C1orf94: variants seen among roughly 807,000 people sequenced by gnomAD.
C1orf94 encodes uncharacterized protein C1orf94.
Under a neutral mutation model 53.6 loss-of-function variants are expected in C1orf94, and 45 were observed. The ratio of observed to expected loss-of-function variants is 0.84; its 90% CI spans 0.66 to 1.08. C1orf94 has a LOEUF of 1.08. C1orf94 is among the 50% of genes least tolerant of loss of function. C1orf94 has a pLI of 0.00. For missense variants in C1orf94, 762 were observed against 738.9 expected (o/e 1.03, Z -0.36); for synonymous variants, 304 against 296.1 (o/e 1.03, Z -0.27).
chr1:34,188,317 T>C (rs933183715), intron 1 of C1orf94, among the ~76,000 whole-genome samples: 1 of 152,116 alleles, frequency 6.6e-6, no homozygotes, highest in Non-Finnish European at 1.5e-5. Flanking sequence ...AGGAAGGAGA[T>C]TGACCTTTAT....
chr1:34,202,015 A>T, intron 3 of C1orf94, 69 bp from the exon 4 acceptor site: 1 of 1,525,172 alleles, frequency 6.6e-7, no homozygotes, highest in Non-Finnish European at 9.0e-7. Flanking sequence ...GGAAGTTGCG[A>T]TGCTGAAGGT....
chr1:34,215,804 G>A (rs1050108440), intron 6 of C1orf94, among the ~76,000 whole-genome samples: 2 of 152,054 alleles, frequency 1.3e-5, no homozygotes, highest in East Asian at 1.9e-4. Context: ...TCAGGAGTTC[G>A]AGACCAGCCT....
At position 34,177,858 on chromosome 1, in the gene C1orf94, G is replaced by A; in HGVS notation, c.69G>A (p.Arg23=). The part of the protein sequence containing the change: ...GQRGFQKERR[R]MASGNGLPSS... ...GGGGCTTCCAGAAAGAGAGGAGGAG[G>A]ATGGCCAGCGGGAATGGGCTTCCTT... Residue 23 remains arginine (R), a synonymous_variant, in exon 1 of 7, where the codon AGG becomes AGA. Coordinates refer to ENST00000488417, the MANE Select transcript of C1orf94 (RefSeq NM_001134734.2). 1 of 1,551,200 alleles carries A rather than the reference G, an allele frequency of 6.4e-7. No homozygotes were observed. The highest frequency in any genetic ancestry group is 8.7e-7 in the Non-Finnish European group (1 of 1,146,638).
intron 4 of C1orf94, among the ~76,000 whole-genome samples, chr1:34,207,728 G>C (rs528558808): frequency 1.1e-4 from 17 of 152,304 alleles, no homozygotes; most frequent in African/African-American, 3.8e-4. Context: ...GGCAGGTATG[G>C]GATTAGGGGA....
At position 34,197,333 on chromosome 1, in the gene C1orf94, G is replaced by A; in HGVS notation, c.429G>A (p.Glu143=). Reference sequence around the variant, plus strand: ...TCCTGGTCGAAGAGAGTTCTGGGGAGCTGGAGGTACCCGGCAGCTCTCCCG... The same window carrying A: ...TCCTGGTCGAAGAGAGTTCTGGGGAACTGGAGGTACCCGGCAGCTCTCCCG... ...HSILVEESSG[E]LEVPGSSPEG... Residue 143 remains glutamate, a synonymous_variant, in exon 2 of 7, where the codon GAG becomes GAA. Coordinates refer to ENST00000488417, the MANE Select transcript of C1orf94 (RefSeq NM_001134734.2). The surrounding 1 kb of genome is among the most constrained non-coding windows in gnomAD (Gnocchi z 4.1). The A allele has an allele frequency of 6.3e-7, 1 of 1,583,200 alleles. No homozygotes were observed. Among genetic ancestry groups the A allele is most frequent in the Non-Finnish European group, 8.6e-7 (1 of 1,164,190 alleles).
chr1:34,204,964 C>A (rs1174443151), intron 4 of C1orf94, among the ~76,000 whole-genome samples: 1 of 152,176 alleles, frequency 6.6e-6, no homozygotes, highest in Non-Finnish European at 1.5e-5. Flanking sequence ...AAAGGGGAAA[C>A]AACTGCATAA....
chr1:34,202,112 G>A lies in C1orf94; in HGVS notation c.1299G>A (p.Lys433=). The A allele has an allele frequency of 6.2e-7, 1 of 1,614,094 alleles. No individual in the cohort carries two copies. The highest frequency in any genetic ancestry group is 8.5e-7 in the Non-Finnish European group (1 of 1,179,986). The change falls in exon 4 of 7, where the codon AAG becomes AAA. Residue 433 remains lysine, a synonymous_variant. Coordinates refer to ENST00000488417, the MANE Select transcript of C1orf94 (RefSeq NM_001134734.2). The stretch of plus-strand genomic sequence containing the variant: ...ACGCACCTGTGACGGTTGCTGACAA[G>A]AACAACCCGAAGTACACAGGGAATG... ...KFNAPVTVAD[K]NNPKYTGNVF... is the part of the protein sequence containing the mutation.
intron 1 of C1orf94, among the ~76,000 whole-genome samples, chr1:34,170,091 T>C (rs960527816): frequency 1.3e-5 from 2 of 152,238 alleles, no homozygotes; most frequent in Non-Finnish European, 2.9e-5. Context: ...CATTGAAATA[T>C]TGGAGTTTGT....
In C1orf94 at chr1:34,177,680, C is replaced by A. The variant is rs1320568187; in HGVS notation, c.-110C>A. 2.1e-6 allele frequency: 2 copies of A among 959,550 alleles called. No homozygotes were observed. Among genetic ancestry groups the A allele is most frequent in the African/African-American group, 3.3e-5 (2 of 60,298 alleles). The allele number at this position is 959,550 out of a possible 1,614,324, so 59.4% of individuals were successfully genotyped here. ...CAAAAGAAAGCTGTCCTCCACCCACCCCTCCCACACAAATAGAAGGCCTCT... is the reference window on the plus strand; with the variant it reads ...CAAAAGAAAGCTGTCCTCCACCCACACCTCCCACACAAATAGAAGGCCTCT... On this transcript the variant is annotated 5_prime_UTR_variant, in exon 1 of 7. Coordinates refer to ENST00000488417, the MANE Select transcript of C1orf94 (RefSeq NM_001134734.2).
intron 4 of C1orf94, among the ~76,000 whole-genome samples, chr1:34,204,205 C>G (rs907166723): frequency 2.6e-5 from 4 of 152,182 alleles, no homozygotes; most frequent in African/African-American, 7.2e-5. Flanking sequence ...AACCTTATGT[C>G]CTATTGGGAA....
chr1:34,172,642 A>G (rs1642165442), upstream of C1orf94, among the ~76,000 whole-genome samples: 1 of 152,234 alleles, frequency 6.6e-6, no homozygotes, highest in African/African-American at 2.4e-5. Context: ...ATAGTAAGGG[A>G]AAAACCCCCA....
upstream of C1orf94, among the ~76,000 whole-genome samples, chr1:34,176,285 C>T (rs1411767354): frequency 2.0e-5 from 3 of 152,168 alleles, no homozygotes; most frequent in Non-Finnish European, 2.9e-5. Context: ...CTTCCGTCTC[C>T]ACCCTCTTGC....
intron 4 of C1orf94, among the ~76,000 whole-genome samples, chr1:34,204,128 C>G (rs943652180): frequency 6.6e-6 from 1 of 152,218 alleles, no homozygotes; most frequent in African/African-American, 2.4e-5. Context: ...TGTCCTGTTG[C>G]TATGTCCCTT....
chr1:34,196,117 C>A (rs1381038573), intron 1 of C1orf94, among the ~76,000 whole-genome samples: 1 of 152,202 alleles, frequency 6.6e-6, no homozygotes, highest in Non-Finnish European at 1.5e-5. Context: ...GTAGGCACAG[C>A]AGATGGTTCT....
At chr1:34,199,881 A>G (rs189149247) in intron 2 of C1orf94, among the ~76,000 whole-genome samples, 1 of 152,136 alleles carries the variant, frequency 6.6e-6, no homozygotes, top group East Asian at 1.9e-4. Flanking sequence ...CTTCCTCCCC[A>G]ATACCCCTGG....
chr1:34,214,364 A>G (rs980724882), intron 6 of C1orf94, among the ~76,000 whole-genome samples: 1 of 152,208 alleles, frequency 6.6e-6, no homozygotes, highest in Non-Finnish European at 1.5e-5. Flanking sequence ...AAGGCTTTGG[A>G]CTGCTAGGCC....
In C1orf94 at chr1:34,177,289, C is replaced by T. The variant is rs1428746914; in HGVS notation, c.-501C>T. ...TCTGCGAGGGGCTCCCTGGGAACGC[C>T]CAGGCGAGCGCCTCCTGCGGGGCCC... On this transcript the variant is annotated 5_prime_UTR_variant, in exon 1 of 7. Transcript: ENST00000488417. Among the ~76,000 whole-genome samples the T allele has an allele frequency of 6.6e-6, 1 of 152,196 alleles. No homozygotes were observed. The highest frequency in any genetic ancestry group is 1.5e-5 in the Non-Finnish European group (1 of 68,028).
chr1:34,198,057 G>C, intron 2 of C1orf94, 144 bp downstream of exon 2: 2 of 940,042 alleles, frequency 2.1e-6, no homozygotes, highest in Admixed American at 5.9e-5. Flanking sequence ...AGCCCCGAGG[G>C]ACGGGCTGTT....
rs1174778611 is a variant in C1orf94, at chr1:34,177,820, C to G, written c.31C>G (p.Leu11Val). 6.5e-7 allele frequency: 1 copy of G among 1,548,134 alleles called. No homozygotes were observed. The highest frequency in any genetic ancestry group is 1.2e-5 in the South Asian group (1 of 83,986). Reference protein sequence around the residue: MRGGGGCVLALGGQRGFQKER... With the variant: MRGGGGCVLAVGGQRGFQKER... ...GGGTGGTGGTGGTTGTGTTCTAGCC[C>G]TGGGTGGACAGAGGGGCTTCCAGAA... The change falls in exon 1 of 7, where the codon CTG becomes GTG. Residue 11 changes from leucine to valine, a missense_variant. Physicochemically the swap from Leu to Val is conservative, Grantham distance 32. Coordinates refer to ENST00000488417, the MANE Select transcript of C1orf94 (RefSeq NM_001134734.2).
Sources: gnomAD v4.1 joint callset for allele counts (sites outside exome capture counted in the v4.1 genomes callset) on GRCh38, gnomAD v4.1.1 for gene constraint, Gnocchi (gnomAD v3.1) non-coding constraint, MANE v1.5 for transcripts, NCBI Gene and HGNC (gene_info 2026-07-23, HGNC 2026-07-21) for gene names.